The following HERC1 variants were observed in gnomAD, a reference collection of about 807,000 sequenced individuals.
HERC1 encodes the protein probable E3 ubiquitin-protein ligase HERC1.
In HERC1, 160 loss-of-function variants were observed where a neutral mutation model predicts 554.3. The observed-to-expected ratio is 0.29, with a 90% CI of 0.25 to 0.33. HERC1 has a LOEUF of 0.33. HERC1 is among the 10% of genes least tolerant of loss of function. The pLI is 1.00. For synonymous variants in HERC1, 2,175 were observed against 2,131.7 expected (o/e 1.02, Z -0.56); for missense variants, 4,919 against 5,918.5 (o/e 0.83, Z 5.54).
At chr15:63,708,764 C>A (rs1034459964) in intron 24 of HERC1, among the ~76,000 whole-genome samples, 6 of 152,116 alleles carry the variant, frequency 3.9e-5, no homozygotes, top group African/African-American at 1.2e-4. Context: ...GAACGGTAAT[C>A]TTAAATAACC....
intron 71 of HERC1, 24 bp downstream of exon 71, chr15:63,625,961 C>T (rs771434430): frequency 4.4e-6 from 7 of 1,593,070 alleles, no homozygotes; most frequent in East Asian, 2.3e-5. Flanking sequence ...CTGTGCCTGG[C>T]TGCTTACCAC....
chr15:63,778,098 C>T (rs1447350797), intron 1 of HERC1, among the ~76,000 whole-genome samples: 19 of 152,098 alleles, frequency 1.2e-4, no homozygotes, highest in Admixed American at 1.2e-3. Flanking sequence ...ACACCTGTAG[C>T]ATAACTTGAA....
intron 1 of HERC1, among the ~76,000 whole-genome samples, chr15:63,800,247 A>C (rs1157877721): frequency 6.6e-6 from 1 of 152,210 alleles, no homozygotes; most frequent in East Asian, 1.9e-4. Flanking sequence ...TCAAAGGGGA[A>C]GAGTTTAAAA....
chr15:63,741,028 T>G lies in HERC1; in HGVS notation c.2520+5890A>C, dbSNP rs543773079. Reference sequence around the variant, plus strand: ...GATAAAGATTTACATCTATGTTGTTTTTTTTTTTATTTTTTTGTGAGACGG... The same window carrying G: ...GATAAAGATTTACATCTATGTTGTTGTTTTTTTTATTTTTTTGTGAGACGG... On this transcript the variant is annotated intron_variant, in intron 12 of 77. Coordinates refer to ENST00000443617, the MANE Select transcript of HERC1 (RefSeq NM_003922.4). 5.3e-5 allele frequency among the ~76,000 whole-genome samples: 8 copies of G among 152,220 alleles called. 1 individual carries two copies. The highest frequency in any genetic ancestry group is 1.9e-4 in the African/African-American group (8 of 41,528).
intron 22 of HERC1, 179 bp from the exon 23 acceptor site, chr15:63,713,844 A>G (rs2073419096): frequency 1.9e-6 from 1 of 529,554 alleles, no homozygotes; most frequent in South Asian, 2.9e-5. Flanking sequence ...AAATATACTA[A>G]AATACTATAT....
intron 66 of HERC1, 54 bp from the exon 67 acceptor site, chr15:63,634,024 C>T: frequency 1.9e-6 from 3 of 1,598,604 alleles, no homozygotes; most frequent in Non-Finnish European, 2.6e-6. Flanking sequence ...AAACACACTC[C>T]CCCGTTTCTG....
At chr15:63,701,099 T>C (rs1000442618) in intron 25 of HERC1, among the ~76,000 whole-genome samples, 1 of 152,000 alleles carries the variant, frequency 6.6e-6, no homozygotes, top group Admixed American at 6.6e-5. Context: ...ATAAATTACT[T>C]TTCAAAATGA....
At chr15:63,787,183 G>A (rs1459322508) in intron 1 of HERC1, among the ~76,000 whole-genome samples, 3 of 151,798 alleles carry the variant, frequency 2.0e-5, no homozygotes, top group African/African-American at 7.3e-5. Context: ...TTGAGATGGA[G>A]TCTCACTCCG....
chr15:63,649,857 C>A lies in HERC1; in HGVS notation c.10615G>T (p.Ala3539Ser). Reference protein sequence around the residue: ...SALAWPEEGPATAWSGESPEL... With the variant: ...SALAWPEEGPSTAWSGESPEL... ...GGAGACTCTCCTGACCAGGCTGTAGCCGGACCCTCTTCTGGCCAAGCCAGG... is the reference window on the plus strand; with the variant it reads ...GGAGACTCTCCTGACCAGGCTGTAGACGGACCCTCTTCTGGCCAAGCCAGG... Residue 3539 changes from alanine to serine, a missense_variant, in exon 54 of 78, where the codon GCT becomes TCT. Around this residue, in one of 11 missense-constraint regions of HERC1, gnomAD observed 1,963 missense variants for 2,228.6 expected, o/e 0.88. Transcript: ENST00000443617. 1.2e-6 allele frequency: 2 copies of A among 1,613,030 alleles called. No homozygotes were observed. Among genetic ancestry groups the A allele is most frequent in the Non-Finnish European group, 1.7e-6 (2 of 1,179,500 alleles).
chr15:63,636,981 C>T (rs887690039), intron 64 of HERC1: 1 of 367,524 alleles, frequency 2.7e-6, no homozygotes, highest in East Asian at 7.3e-5. Context: ...TACTTGTATG[C>T]TTTTACCTAA....
chr15:63,655,713 A>T, intron 50 of HERC1, 29 bp downstream of exon 50: 1 of 1,391,204 alleles, frequency 7.2e-7, no homozygotes, highest in South Asian at 1.3e-5. Context: ...CGATTAGAAG[A>T]CTGTATGTTT....
In HERC1 at chr15:63,752,966, T is replaced by C. The variant is rs765441928; in HGVS notation, c.1894A>G (p.Thr632Ala). The C allele has an allele frequency of 5.0e-6, 8 of 1,613,572 alleles. No individual in the cohort carries two copies. Among genetic ancestry groups the C allele is most frequent in the East Asian group, 4.5e-5 (2 of 44,848 alleles). The change falls in exon 8 of 78, where the codon ACA (threonine) becomes GCA (alanine). Residue 632 changes from threonine to alanine, a missense_variant. This residue lies in a region of HERC1 where 744 missense variants were observed against 1,090.0 expected (regional missense o/e 0.68). Transcript: ENST00000443617. Reference sequence around the variant, plus strand: ...TCATCCCTTAGTCCTACCTGCCCTGTTGATGTCAAAGCAAGTGAAGACTGG... The same window carrying C: ...TCATCCCTTAGTCCTACCTGCCCTGCTGATGTCAAAGCAAGTGAAGACTGG... ...GSQSSLALTSTGQVYAWGCGA... is the reference protein window; with the variant it reads ...GSQSSLALTSAGQVYAWGCGA...
intron 25 of HERC1, among the ~76,000 whole-genome samples, chr15:63,701,767 C>T (rs762208088): frequency 6.6e-6 from 1 of 151,766 alleles, no homozygotes; most frequent in Non-Finnish European, 1.5e-5. Context: ...ATCAAAAAGA[C>T]TTAAAACACA....
At chr15:63,698,251 C>T (rs984049064) in intron 26 of HERC1, among the ~76,000 whole-genome samples, 10 of 151,772 alleles carry the variant, frequency 6.6e-5, no homozygotes, top group Non-Finnish European at 1.2e-4. Context: ...CTTTGTCTCT[C>T]CTAATAATAC....
At chr15:63,744,957 G>A (rs917517585) in intron 12 of HERC1, among the ~76,000 whole-genome samples, 21 of 152,166 alleles carry the variant, frequency 1.4e-4, no homozygotes, top group African/African-American at 4.8e-4. Flanking sequence ...GGGCTCTTCG[G>A]TTAGCAGGTG....
At chr15:63,646,044 TA>T (rs1252083047) in intron 55 of HERC1, among the ~76,000 whole-genome samples, 1 of 152,148 alleles carries the variant, frequency 6.6e-6, no homozygotes, top group Non-Finnish European at 1.5e-5. Context: ...AGAAGAGACT[TA>T]AAAAAATGCA....
Position 63,612,150 on chromosome 15 carries a change from T to C in HERC1, c.14400+101A>G. ...TTGCAGTAAGCTAAAATCATGCCAC[T>C]GCACTCCAGCCTGGGCCACAGAGTG... On this transcript the variant is annotated intron_variant, in intron 77 of 77. Coordinates refer to ENST00000443617, the MANE Select transcript of HERC1 (RefSeq NM_003922.4). This position sits in a 1 kb window ranked among gnomAD's most constrained non-coding sequence, Gnocchi z 5.0. The C allele has an allele frequency of 3.7e-6, 4 of 1,069,422 alleles. No individual in the cohort carries two copies. The highest frequency in any genetic ancestry group is 5.3e-6 in the Non-Finnish European group (4 of 749,542). 66.2% of individuals were successfully genotyped at this position (1,069,422 alleles called of 1,614,324 possible).
At chr15:63,815,891 GC>G (rs1319890446) in intron 1 of HERC1, among the ~76,000 whole-genome samples, 6 of 152,102 alleles carry the variant, frequency 3.9e-5, no homozygotes, top group Non-Finnish European at 5.9e-5. Flanking sequence ...TCACATGGGG[GC>G]AAGAAGGAGA....
intron 32 of HERC1, 116 bp downstream of exon 32, chr15:63,690,425 C>T (rs1302504923): frequency 1.7e-5 from 11 of 648,822 alleles, no homozygotes; most frequent in South Asian, 1.2e-4. Context: ...TAAAAGTAAA[C>T]GTTATGCTAT....
Sources: allele counts gnomAD v4.1 joint callset (sites outside exome capture counted in the v4.1 genomes callset), GRCh38; gene constraint gnomAD v4.1.1; regional missense constraint gnomAD v4.1.1; non-coding constraint Gnocchi (gnomAD v3.1); transcripts MANE v1.5; gene names NCBI Gene and HGNC (gene_info 2026-07-23, HGNC 2026-07-21).